PDE8B: variants seen among roughly 807,000 people sequenced by gnomAD.
PDE8B encodes the protein high affinity cAMP-specific and IBMX-insensitive 3',5'-cyclic phosphodiesterase 8B.
A neutral mutation model predicts 101.3 loss-of-function variants in PDE8B; 26 were observed. The observed-to-expected ratio is 0.26, with a 90% confidence interval of 0.19 to 0.36. The LOEUF (loss-of-function observed/expected upper bound fraction) is 0.36. PDE8B is among the 10% of genes least tolerant of loss of function. The probability of loss-of-function intolerance (pLI) is 1.00; values close to 1 mark genes in which losing one functional copy is unlikely to be tolerated. For synonymous variants in PDE8B, 424 were observed against 429.3 expected, an observed-to-expected ratio of 0.99 and a Z score of 0.15; for missense variants, 810 against 1,163.1, an observed-to-expected ratio of 0.70 and a Z score of 4.42.
chr5:77,243,410 A>G (rs986176762), intron 1 of PDE8B, among the ~76,000 whole-genome samples: 1 of 152,182 alleles, frequency 6.6e-6, no homozygotes, highest in Non-Finnish European at 1.5e-5. Flanking sequence ...AGTTTCATGA[A>G]TTTTAATAAA....
At chr5:77,356,183 C>T (rs1365290323) in intron 10 of PDE8B, among the ~76,000 whole-genome samples, 1 of 152,186 alleles carries the variant, frequency 6.6e-6, no homozygotes, top group Non-Finnish European at 1.5e-5. Context: ...TCTTTGGGCA[C>T]CTTTTGCCTT....
At chr5:77,220,501 G>A (rs1750871433) in intron 1 of PDE8B, among the ~76,000 whole-genome samples, 1 of 152,212 alleles carries the variant, frequency 6.6e-6, no homozygotes, top group South Asian at 2.1e-4. Flanking sequence ...AACGTGAAAG[G>A]CAGTGTTCAC....
chr5:77,426,566 AG>A lies in PDE8B; in HGVS notation c.*13del, dbSNP rs1464364830. On this transcript the variant is annotated 3_prime_UTR_variant, in exon 22 of 22. Transcript: ENST00000264917. ...CATCTGACAGCTAAAGCCAAGCCAC[AG>A]AGGGGGCCTCTTGACCGACAAAGGA... 13 of 1,426,580 alleles carry A rather than the reference AG, an allele frequency of 9.1e-6. No homozygotes were observed. The highest frequency in any genetic ancestry group is 1.2e-5 in the Non-Finnish European group (12 of 1,009,484). 88.4% of individuals were successfully genotyped at this position (1,426,580 alleles called of 1,614,324 possible).
chr5:77,103,966 C>T, the PDE8B span, among the ~76,000 whole-genome samples: 1 of 152,180 alleles, frequency 6.6e-6, no homozygotes, highest in African/African-American at 2.4e-5. Context: ...AAAATAAATG[C>T]TTGTCATTCT....
chr5:77,245,436 G>A (rs534036866), intron 1 of PDE8B, among the ~76,000 whole-genome samples: 22 of 152,300 alleles, frequency 1.4e-4, no homozygotes, highest in African/African-American at 5.1e-4. Flanking sequence ...AGACATATGG[G>A]TAGTATCATT....
chr5:77,273,820 T>A (rs1416776602), intron 1 of PDE8B, among the ~76,000 whole-genome samples: 1 of 151,880 alleles, frequency 6.6e-6, no homozygotes, highest in African/African-American at 2.4e-5. Flanking sequence ...TTATTTATTT[T>A]TTATTTTTTA....
rs1779870114 is a variant in PDE8B, at chr5:77,344,846, C to T, written c.798-7C>T. Reference sequence around the variant, plus strand: ...AAGAACTAACTTCAATCTTTTATAACTTTCAGGGCCTGTAATTCAGTGTTT... The same window carrying T: ...AAGAACTAACTTCAATCTTTTATAATTTTCAGGGCCTGTAATTCAGTGTTT... On this transcript the variant is annotated splice_polypyrimidine_tract_variant and splice_region_variant and intron_variant, in intron 6 of 21. Coordinates refer to ENST00000264917, the MANE Select transcript of PDE8B (RefSeq NM_003719.5). The T allele has an allele frequency of 1.9e-6, 3 of 1,579,534 alleles. No individual in the cohort carries two copies. The highest frequency in any genetic ancestry group is 1.7e-5 in the Admixed American group (1 of 59,978).
intron 2 of PDE8B, among the ~76,000 whole-genome samples, chr5:77,317,261 A>C (rs558450886): frequency 5.8e-4 from 88 of 152,326 alleles, no homozygotes; most frequent in Admixed American, 2.7e-3. Flanking sequence ...TTTTTATTTT[A>C]CTTTTTTTTC....
At chr5:77,178,157 T>C in the PDE8B span, among the ~76,000 whole-genome samples, 2,226 of 152,342 alleles carry the variant, frequency 0.015, 21 homozygotes, top group Non-Finnish European at 0.022. Flanking sequence ...GTGAATAGTA[T>C]GGCTTTTCTT....
At chr5:77,161,578 G>A in the PDE8B span, among the ~76,000 whole-genome samples, 1 of 152,032 alleles carries the variant, frequency 6.6e-6, no homozygotes, top group Non-Finnish European at 1.5e-5. Context: ...AAATCCTTTT[G>A]TGGACATACA....
intron 1 of PDE8B, among the ~76,000 whole-genome samples, chr5:77,265,724 G>A (rs1432319757): frequency 6.6e-6 from 1 of 152,154 alleles, no homozygotes; most frequent in Non-Finnish European, 1.5e-5. Context: ...TCATGCTAGG[G>A]AAGCGTAAGA....
At position 77,270,494 on chromosome 5, in the gene PDE8B, C is replaced by T. The variant is rs570863774; in HGVS notation, c.340-41500C>T. 8.5e-5 allele frequency among the ~76,000 whole-genome samples: 13 copies of T among 152,276 alleles called. 1 individual carries two copies. Among genetic ancestry groups the T allele is most frequent in the African/African-American group, 3.1e-4 (13 of 41,562 alleles). The stretch of plus-strand genomic sequence containing the variant: ...TCTAGCTGGTAATTCCCCATATTCC[C>T]TCTTACCGTTCACTTCTGCCTCTGC... On this transcript the variant is annotated intron_variant, in intron 1 of 21. Transcript: ENST00000264917.
intron 10 of PDE8B, among the ~76,000 whole-genome samples, chr5:77,388,960 T>G (rs1789318768): frequency 6.6e-6 from 1 of 152,184 alleles, no homozygotes; most frequent in Non-Finnish European, 1.5e-5. Flanking sequence ...CTTAGACTAC[T>G]GTGCCGGCAG....
the PDE8B span, among the ~76,000 whole-genome samples, chr5:77,100,551 A>G: frequency 6.6e-6 from 1 of 152,218 alleles, no homozygotes; most frequent in African/African-American, 2.4e-5. Context: ...TTATACTTGG[A>G]AAAGCAAAAG....
chr5:77,382,015 G>A (rs1313450534), intron 10 of PDE8B, among the ~76,000 whole-genome samples: 2 of 151,914 alleles, frequency 1.3e-5, no homozygotes, highest in African/African-American at 4.8e-5. Flanking sequence ...ATTTCGTCTT[G>A]TTTATTTTCA....
chr5:77,193,622 T>C, the PDE8B span, among the ~76,000 whole-genome samples: 2 of 151,046 alleles, frequency 1.3e-5, no homozygotes, highest in African/African-American at 5.0e-5. Context: ...TTCTTTGTTC[T>C]TTTTCAAAAT....
chr5:77,174,615 G>C, the PDE8B span, among the ~76,000 whole-genome samples: 1 of 152,086 alleles, frequency 6.6e-6, no homozygotes. Flanking sequence ...TGAACAAGTC[G>C]TTGAAACAGC....
chr5:77,127,736 A>C, the PDE8B span, among the ~76,000 whole-genome samples: 1 of 152,108 alleles, frequency 6.6e-6, no homozygotes, highest in Non-Finnish European at 1.5e-5. Context: ...TCTCCTGGCA[A>C]GATGAGGCTG....
At chr5:77,255,964 C>T (rs1759077022) in intron 1 of PDE8B, among the ~76,000 whole-genome samples, 1 of 152,160 alleles carries the variant, frequency 6.6e-6, no homozygotes, top group African/African-American at 2.4e-5. Context: ...GTAAGCCCTG[C>T]CAACTGTGTA....
Sources: allele counts gnomAD v4.1 joint callset (sites outside exome capture counted in the v4.1 genomes callset), GRCh38; gene constraint gnomAD v4.1.1; transcripts MANE v1.5; gene names NCBI Gene and HGNC (gene_info 2026-07-23, HGNC 2026-07-21).